The following ADD3 variants were observed in gnomAD, a reference collection of about 807,000 sequenced individuals.
The protein encoded by ADD3 is adducin 3.
Under a neutral mutation model 80.2 loss-of-function variants are expected in ADD3, and 25 were observed. That is an observed-to-expected ratio of 0.31 (90% confidence interval 0.23 to 0.44). The LOEUF is 0.44. ADD3 is among the 20% of genes least tolerant of loss of function. The probability of loss-of-function intolerance (pLI) is 1.00; values close to 1 mark genes in which losing one functional copy is unlikely to be tolerated. For synonymous variants in ADD3, 284 were observed against 289.6 expected (o/e 0.98, Z 0.20); for missense variants, 829 against 847.5 (o/e 0.98, Z 0.27).
chr10:110,062,200 T>TA (rs57540485), intron 1 of ADD3, among the ~76,000 whole-genome samples: 8 of 35,234 alleles, frequency 2.3e-4, no homozygotes, highest in African/African-American at 7.2e-4. Flanking sequence ...CTGTCTCTAC[T>TA]AAAAAAAAAA....
chr10:110,054,996 C>G (rs533461221), intron 1 of ADD3, among the ~76,000 whole-genome samples: 11 of 152,098 alleles, frequency 7.2e-5, no homozygotes, highest in Non-Finnish European at 1.3e-4. Flanking sequence ...CTCCTGACCT[C>G]GTGATCCGCC....
intron 1 of ADD3, among the ~76,000 whole-genome samples, chr10:110,060,469 A>G (rs1858747992): frequency 6.6e-6 from 1 of 152,258 alleles, no homozygotes; most frequent in South Asian, 2.1e-4. Context: ...GCCTAGTGCT[A>G]TAATTGAAGC....
At chr10:110,053,619 T>C (rs1352932872) in intron 1 of ADD3, among the ~76,000 whole-genome samples, 1 of 152,166 alleles carries the variant, frequency 6.6e-6, no homozygotes, top group Non-Finnish European at 1.5e-5. Flanking sequence ...TTTAAAAAAA[T>C]AGTAATTGGA....
intron 1 of ADD3, among the ~76,000 whole-genome samples, chr10:110,086,046 A>AAG (rs1846692707): frequency 6.6e-6 from 1 of 152,150 alleles, no homozygotes. Flanking sequence ...CGGAAGTTGC[A>AAG]GTAAGCCGAG....
chr10:110,051,281 C>T (rs1857487776), intron 1 of ADD3, among the ~76,000 whole-genome samples: 1 of 152,064 alleles, frequency 6.6e-6, no homozygotes, highest in African/African-American at 2.4e-5. Context: ...AAACAGGCAA[C>T]AAAAGGAAAA....
At chr10:110,086,149 C>T (rs1287574071) in intron 1 of ADD3, among the ~76,000 whole-genome samples, 1 of 151,648 alleles carries the variant, frequency 6.6e-6, no homozygotes, top group Non-Finnish European at 1.5e-5. Context: ...CAGTATCTCA[C>T]GCCTGTAATT....
upstream of ADD3, among the ~76,000 whole-genome samples, chr10:110,003,302 G>GGTGTGT (rs1554893815): frequency 4.1e-5 from 6 of 147,030 alleles, no homozygotes; most frequent in Admixed American, 6.7e-5. Flanking sequence ...GAACAGTAAG[G>GGTGTGT]GTGTGTGTGT....
intron 1 of ADD3, among the ~76,000 whole-genome samples, chr10:110,059,670 GA>G (rs1292379439): frequency 6.6e-6 from 1 of 152,150 alleles, no homozygotes; most frequent in Non-Finnish European, 1.5e-5. Flanking sequence ...TCGGGAGGCT[GA>G]GGCAGAAGGA....
chr10:110,043,116 A>G (rs1173681566), intron 1 of ADD3, among the ~76,000 whole-genome samples: 1 of 152,220 alleles, frequency 6.6e-6, no homozygotes, highest in Non-Finnish European at 1.5e-5. Flanking sequence ...AGGACATAGT[A>G]ATTTTGTTTG....
intron 1 of ADD3, among the ~76,000 whole-genome samples, chr10:110,013,745 G>T (rs1852601368): frequency 6.6e-6 from 1 of 152,148 alleles, no homozygotes; most frequent in African/African-American, 2.4e-5. Flanking sequence ...ACCAAAGGAA[G>T]TGCTCACCTT....
intron 1 of ADD3, among the ~76,000 whole-genome samples, chr10:110,092,373 G>A (rs1378617085): frequency 1.3e-5 from 2 of 152,046 alleles, no homozygotes; most frequent in East Asian, 1.9e-4. Context: ...ATATACCTTC[G>A]AATACTATGC....
chr10:110,070,954 T>G (rs866750534), intron 1 of ADD3, among the ~76,000 whole-genome samples: 63 of 123,370 alleles, frequency 5.1e-4, no homozygotes, highest in Non-Finnish European at 1.5e-4. Flanking sequence ...TTTTTTTTTT[T>G]GTTTGTTTTT....
intron 9 of ADD3, 101 bp downstream of exon 9, chr10:110,122,393 T>A (rs550785280): frequency 9.4e-7 from 1 of 1,067,290 alleles, no homozygotes; most frequent in South Asian, 1.7e-5. Flanking sequence ...TTCCAGAAGC[T>A]GAGTTTGGCC....
chr10:110,120,797 CAG>C (rs1851394707), intron 8 of ADD3, among the ~76,000 whole-genome samples: 1 of 152,120 alleles, frequency 6.6e-6, no homozygotes, highest in African/African-American at 2.4e-5. Flanking sequence ...GGTATCAAAA[CAG>C]AGATATAGAT....
chr10:110,102,793 C>A (rs1052592174), intron 2 of ADD3, among the ~76,000 whole-genome samples: 16 of 152,238 alleles, frequency 1.1e-4, no homozygotes, highest in Admixed American at 9.8e-4. Flanking sequence ...TACTAAACTC[C>A]ATTTTTATGC....
intron 8 of ADD3, chr10:110,119,771 A>G: frequency 6.2e-6 from 3 of 484,422 alleles, no homozygotes; most frequent in Admixed American, 3.8e-5. Context: ...CTCACACACA[A>G]TCTAAGGGCC....
intron 1 of ADD3, among the ~76,000 whole-genome samples, chr10:110,009,857 G>A (rs917602361): frequency 6.6e-6 from 1 of 152,150 alleles, no homozygotes; most frequent in African/African-American, 2.4e-5. Flanking sequence ...GAGATAGTTG[G>A]TTATGAGACA....
At chr10:110,042,026 C>G (rs1180959126) in intron 1 of ADD3, among the ~76,000 whole-genome samples, 2 of 152,056 alleles carry the variant, frequency 1.3e-5, no homozygotes, top group African/African-American at 2.4e-5. Context: ...TTAAGAAATT[C>G]CTTTTCCAGA....
intron 1 of ADD3, among the ~76,000 whole-genome samples, chr10:110,094,207 C>G (rs1847889227): frequency 6.6e-6 from 1 of 152,098 alleles, no homozygotes; most frequent in Admixed American, 6.6e-5. Flanking sequence ...CATCCATAAA[C>G]ATGGCGTGAT....
Sources: gnomAD v4.1 joint callset for allele counts (sites outside exome capture counted in the v4.1 genomes callset) on GRCh38, gnomAD v4.1.1 for gene constraint, MANE v1.5 for transcripts, NCBI Gene and HGNC (gene_info 2026-07-23, HGNC 2026-07-21) for gene names.